Variants in GRID2 observed in about 807,000 individuals in gnomAD.
The protein encoded by GRID2 is glutamate receptor ionotropic, delta-2.
Under a neutral mutation model 114.8 loss-of-function variants are expected in GRID2, and 33 were observed. That is an observed-to-expected ratio of 0.29 (90% CI 0.22 to 0.38). The LOEUF is 0.38. Ranked by LOEUF, GRID2 falls within the 10% of genes least tolerant of loss-of-function variation. GRID2 has a pLI of 1.00. For synonymous variants in GRID2, 505 were observed against 449.9 expected (o/e 1.12, Z -1.55); for missense variants, 1,184 against 1,257.7 (o/e 0.94, Z 0.89).
At chr4:93,424,577 A>T (rs1768655826) in intron 10 of GRID2, among the ~76,000 whole-genome samples, 1 of 151,940 alleles carries the variant, frequency 6.6e-6, no homozygotes, top group African/African-American at 2.4e-5. Context: ...TATATGTAGT[A>T]TATTTTTGTA....
intron 2 of GRID2, among the ~76,000 whole-genome samples, chr4:92,599,572 T>C (rs1230072487): frequency 6.6e-6 from 1 of 152,220 alleles, no homozygotes; most frequent in East Asian, 1.9e-4. Flanking sequence ...AAACACATGA[T>C]ATCATGTTAT....
chr4:93,085,028 T>C lies in GRID2; in HGVS notation c.278T>C (p.Leu93Pro). 2 of 1,614,138 alleles carry C rather than the reference T, an allele frequency of 1.2e-6. No individual in the cohort carries two copies. Among genetic ancestry groups the C allele is most frequent in the Non-Finnish European group, 1.7e-6 (2 of 1,179,972 alleles). ...CTTATGAATCAAGGCATCTTGGCCC[T>C]GGTCAGCTCCATTGGCTGCACGTCA... ...CELMNQGILA[L>P]VSSIGCTSAG... Residue 93 changes from leucine (L) to proline (P), a missense_variant, in exon 3 of 16, where the codon CTG becomes CCG. Coordinates refer to ENST00000282020, the MANE Select transcript of GRID2 (RefSeq NM_001510.4).
intron 12 of GRID2, among the ~76,000 whole-genome samples, chr4:93,508,140 TA>T (rs1296729014): frequency 6.6e-6 from 1 of 151,766 alleles, no homozygotes; most frequent in Admixed American, 6.6e-5. Context: ...ACATGTACCC[TA>T]AAACTTAAAG....
intron 13 of GRID2, among the ~76,000 whole-genome samples, chr4:93,607,882 A>G (rs1740422061): frequency 6.6e-6 from 1 of 152,012 alleles, no homozygotes; most frequent in Non-Finnish European, 1.5e-5. Flanking sequence ...TTCTAGTTAA[A>G]TCATTAGAGA....
chr4:92,915,681 C>A (rs764499387), intron 2 of GRID2, among the ~76,000 whole-genome samples: 1 of 152,120 alleles, frequency 6.6e-6, no homozygotes, highest in Non-Finnish European at 1.5e-5. Flanking sequence ...TACACTCCCA[C>A]CTACAATGTA....
At chr4:92,442,479 C>T (rs899869994) in intron 1 of GRID2, among the ~76,000 whole-genome samples, 9 of 151,884 alleles carry the variant, frequency 5.9e-5, no homozygotes, top group African/African-American at 1.2e-4. Context: ...GCGGTTCAGG[C>T]GTTTGGAAGT....
At chr4:92,942,244 TG>T (rs1417053911) in intron 2 of GRID2, among the ~76,000 whole-genome samples, 1 of 150,456 alleles carries the variant, frequency 6.6e-6, no homozygotes. Context: ...TTTATGAATC[TG>T]GGTGCTCCTG....
intron 3 of GRID2, among the ~76,000 whole-genome samples, chr4:93,086,050 A>G (rs1362520911): frequency 6.6e-6 from 1 of 152,138 alleles, no homozygotes; most frequent in African/African-American, 2.4e-5. Flanking sequence ...CAATATCTTA[A>G]TCTATAGATT....
chr4:93,412,474 G>A (rs1229584172), intron 9 of GRID2, among the ~76,000 whole-genome samples: 4 of 151,790 alleles, frequency 2.6e-5, no homozygotes, highest in Admixed American at 6.6e-5. Flanking sequence ...TGCAATGAAC[G>A]TTTTAAAAAT....
chr4:93,608,299 T>TC (rs1353824905), intron 13 of GRID2, among the ~76,000 whole-genome samples: 1 of 146,464 alleles, frequency 6.8e-6, no homozygotes, highest in Non-Finnish European at 1.5e-5. Flanking sequence ...TTTTTTTCTT[T>TC]TTTTTTTTTT....
At chr4:92,480,192 C>T (rs971659468) in intron 1 of GRID2, among the ~76,000 whole-genome samples, 9 of 151,852 alleles carry the variant, frequency 5.9e-5, no homozygotes, top group Admixed American at 5.9e-4. Flanking sequence ...GCATAAGAAA[C>T]CATCAGGATC....
intron 14 of GRID2, among the ~76,000 whole-genome samples, chr4:93,651,250 GT>G (rs1722554481): frequency 6.6e-6 from 1 of 152,152 alleles, no homozygotes; most frequent in African/African-American, 2.4e-5. Context: ...GGGTTAGACT[GT>G]TCCATTTCCT....
Position 92,984,548 on chromosome 4 carries a change from C to T in GRID2, c.245-100447C>T, listed in dbSNP as rs779786307. ...CTCATTTGGGTACCATGCATGGATA[C>T]ATCTATTATCTCACTTTGTTTTCAC... is the stretch of plus-strand genomic sequence containing the variant. On this transcript the variant is annotated intron_variant, in intron 2 of 15. Transcript: ENST00000282020. 7.2e-5 allele frequency among the ~76,000 whole-genome samples: 11 copies of T among 152,304 alleles called. No homozygotes were observed. The South Asian group carries it at 1.0e-3, about 14-fold the overall frequency.
At chr4:93,409,301 A>G (rs1766862992) in intron 9 of GRID2, among the ~76,000 whole-genome samples, 1 of 152,182 alleles carries the variant, frequency 6.6e-6, no homozygotes, top group African/African-American at 2.4e-5. Context: ...AGGGAAGGGA[A>G]GTGTGGCTAG....
At chr4:93,067,997 T>C (rs982421009) in intron 2 of GRID2, among the ~76,000 whole-genome samples, 2 of 152,064 alleles carry the variant, frequency 1.3e-5, no homozygotes, top group Non-Finnish European at 2.9e-5. Flanking sequence ...ACTGTAAGCT[T>C]CTAAAGAGTG....
chr4:93,296,419 G>T (rs1224742741), intron 8 of GRID2, among the ~76,000 whole-genome samples: 1 of 151,628 alleles, frequency 6.6e-6, no homozygotes. Flanking sequence ...ATCTCTAGGT[G>T]GCTATCTTTC....
intron 2 of GRID2, among the ~76,000 whole-genome samples, chr4:92,798,986 T>C (rs1301672323): frequency 6.6e-6 from 1 of 152,006 alleles, no homozygotes; most frequent in African/African-American, 2.4e-5. Context: ...CCCAGCCTTT[T>C]TGACACCAGG....
chr4:92,694,045 G>C (rs1734313043), intron 2 of GRID2, among the ~76,000 whole-genome samples: 1 of 152,152 alleles, frequency 6.6e-6, no homozygotes, highest in Non-Finnish European at 1.5e-5. Context: ...GGAGGAGATA[G>C]TGAAGGGGAT....
At chr4:92,449,742 A>AACAGTCAG (rs1026709145) in intron 1 of GRID2, among the ~76,000 whole-genome samples, 1 of 137,228 alleles carries the variant, frequency 7.3e-6, no homozygotes, top group Non-Finnish European at 1.5e-5. Context: ...TATATTTCAG[A>AACAGTCAG]ACAGTCAGGA....
Sources: gnomAD v4.1 joint callset for allele counts (sites outside exome capture counted in the v4.1 genomes callset) on GRCh38, gnomAD v4.1.1 for gene constraint, MANE v1.5 for transcripts, NCBI Gene and HGNC (gene_info 2026-07-23, HGNC 2026-07-21) for gene names.